The following TBCK variants were observed in gnomAD, a reference collection of about 807,000 sequenced individuals.
The protein encoded by TBCK is TBC1 domain containing kinase, also known as TBC domain-containing protein kinase-like protein.
In TBCK, 99 loss-of-function variants were observed where a neutral mutation model predicts 113.4. The ratio of observed to expected loss-of-function variants is 0.87; its 90% CI spans 0.74 to 1.03. The LOEUF is 1.03. Ranked by LOEUF, TBCK falls within the 50% of genes least tolerant of loss-of-function variation. TBCK has a pLI of 0.00. For synonymous variants in TBCK, 369 were observed against 370.8 expected (o/e 1.00, Z 0.05); for missense variants, 1,045 against 1,061.3 (o/e 0.98, Z 0.21).
intron 3 of TBCK, among the ~76,000 whole-genome samples, chr4:106,294,574 T>A (rs1766077596): frequency 1.3e-5 from 2 of 151,890 alleles, no homozygotes; most frequent in African/African-American, 2.4e-5. Flanking sequence ...CTCCGCCTCC[T>A]GGGTTCACGC....
Position 106,095,654 on chromosome 4 carries a change from G to A in TBCK, c.2412-13C>T, listed in dbSNP as rs762631358. On this transcript the variant is annotated splice_polypyrimidine_tract_variant and intron_variant, in intron 24 of 25. Coordinates refer to ENST00000394708, the MANE Select transcript of TBCK (RefSeq NM_001163435.3). ...ACCACGAATAAAGCTGAGAAGGAAA[G>A]TTTAAGGAAAACATTTATTTGTGTG... is the stretch of plus-strand genomic sequence containing the variant. 6.2e-7 allele frequency: 1 copy of A among 1,610,590 alleles called. No individual in the cohort carries two copies. Among genetic ancestry groups the A allele is most frequent in the South Asian group, 1.1e-5 (1 of 90,476 alleles).
At chr4:106,199,171 G>A (rs956259003) in intron 20 of TBCK, among the ~76,000 whole-genome samples, 8 of 152,100 alleles carry the variant, frequency 5.3e-5, no homozygotes, top group Non-Finnish European at 1.2e-4. Context: ...CACTGAAACT[G>A]TTCTTACCTT....
chr4:106,179,985 T>C (rs1246906339), intron 22 of TBCK, among the ~76,000 whole-genome samples: 1 of 152,130 alleles, frequency 6.6e-6, no homozygotes, highest in Non-Finnish European at 1.5e-5. Context: ...CATCATATAA[T>C]GGACTTCTTT....
intron 25 of TBCK, among the ~76,000 whole-genome samples, chr4:106,060,394 G>A (rs1271738296): frequency 6.6e-6 from 1 of 151,604 alleles, no homozygotes; most frequent in African/African-American, 2.4e-5. Context: ...AAAATCCTAG[G>A]GCCCTTAAGA....
intron 3 of TBCK, among the ~76,000 whole-genome samples, chr4:106,286,135 A>T (rs190160832): frequency 2.6e-5 from 4 of 152,344 alleles, no homozygotes; most frequent in African/African-American, 9.6e-5. Context: ...AGAATAATTT[A>T]AAAATAGTAC....
intron 20 of TBCK, among the ~76,000 whole-genome samples, 166 bp downstream of exon 20, chr4:106,212,584 T>C (rs952702162): frequency 6.6e-6 from 1 of 152,158 alleles, no homozygotes; most frequent in African/African-American, 2.4e-5. Context: ...AAGGTGGAAA[T>C]ATGGAAAGTA....
chr4:106,060,403 G>T (rs55633564), intron 25 of TBCK, among the ~76,000 whole-genome samples: 42,304 of 151,504 alleles, frequency 0.28, 6,173 homozygotes, highest in Middle Eastern at 0.34. Flanking sequence ...GGGCCCTTAA[G>T]AATTATGCCA....
chr4:106,235,412 G>A (rs759586706), intron 14 of TBCK, 45 bp from the exon 15 acceptor site: 2 of 1,353,570 alleles, frequency 1.5e-6, no homozygotes, highest in African/African-American at 1.5e-5. Context: ...ATTACCTAGT[G>A]CCATCTTTTA....
At chr4:106,056,840 C>G (rs1219072722) in intron 25 of TBCK, among the ~76,000 whole-genome samples, 1 of 151,642 alleles carries the variant, frequency 6.6e-6, no homozygotes, top group Non-Finnish European at 1.5e-5. Context: ...ACAATGTGTA[C>G]TATTTAAAAT....
chr4:106,143,243 G>A (rs1333515503), intron 23 of TBCK, among the ~76,000 whole-genome samples: 1 of 152,056 alleles, frequency 6.6e-6, no homozygotes, highest in Non-Finnish European at 1.5e-5. Context: ...ACTCTTATCT[G>A]GCTCTGGGTG....
Position 106,044,577 on chromosome 4 carries a change from G to A in TBCK, c.*1993C>T, listed in dbSNP as rs1349710943. 6.6e-6 allele frequency: 1 copy of A among 152,028 alleles called. No homozygotes were observed. Among genetic ancestry groups the A allele is most frequent in the Non-Finnish European group, 1.5e-5 (1 of 68,008 alleles). The allele number at this position is 152,028 out of a possible 1,614,324, so 9.4% of individuals were successfully genotyped here. On this transcript the variant is annotated 3_prime_UTR_variant, in exon 26 of 26. Coordinates refer to ENST00000394708, the MANE Select transcript of TBCK (RefSeq NM_001163435.3). ...AAACAGGAGGGGTCCTGGGACAACT[G>A]GATACTCATATGCAAGAATGAACCT...
At chr4:106,233,531 A>G in intron 16 of TBCK, 57 bp downstream of exon 16, 1 of 1,425,398 alleles carries the variant, frequency 7.0e-7, no homozygotes, top group South Asian at 1.2e-5. Flanking sequence ...GCTCCTTCCT[A>G]AAATTTAAAT....
intron 3 of TBCK, among the ~76,000 whole-genome samples, chr4:106,283,234 C>A (rs1046105078): frequency 1.3e-5 from 2 of 152,002 alleles, no homozygotes; most frequent in South Asian, 2.1e-4. Flanking sequence ...TAAATGGAAA[C>A]TTTTATACTT....
At chr4:106,252,441 C>T (rs1761539466) in intron 5 of TBCK, among the ~76,000 whole-genome samples, 1 of 152,054 alleles carries the variant, frequency 6.6e-6, no homozygotes, top group Non-Finnish European at 1.5e-5. Context: ...AGTAAAACTC[C>T]TATCTCTACA....
intron 25 of TBCK, among the ~76,000 whole-genome samples, chr4:106,064,790 T>C (rs1736436987): frequency 6.6e-6 from 1 of 152,008 alleles, no homozygotes; most frequent in South Asian, 2.1e-4. Flanking sequence ...GCTTTCAATT[T>C]CTTCTATTCT....
rs530727863 is a variant in TBCK at position 106,242,034 on chromosome 4, C to T, written c.1170+436G>A. Among the ~76,000 whole-genome samples, 38 of 151,976 alleles carry T rather than the reference C, an allele frequency of 2.5e-4. No homozygotes were observed. The South Asian group carries it at 7.7e-3, about 31-fold the overall frequency. On this transcript the variant is annotated intron_variant, in intron 12 of 25. Coordinates refer to ENST00000394708, the MANE Select transcript of TBCK (RefSeq NM_001163435.3). ...AAGTCCTCAAATCAATAAGAAATCA[C>T]TCAACAGAAAAACTGACAAGAGATA... is the stretch of plus-strand genomic sequence containing the variant.
intron 19 of TBCK, among the ~76,000 whole-genome samples, chr4:106,217,540 G>A (rs1230863108): frequency 6.6e-6 from 1 of 152,086 alleles, no homozygotes; most frequent in Non-Finnish European, 1.5e-5. Context: ...CAAAATCAAT[G>A]TGCAAAAATC....
chr4:106,120,928 C>T (rs1229394752), intron 23 of TBCK, among the ~76,000 whole-genome samples: 5 of 152,166 alleles, frequency 3.3e-5, no homozygotes, highest in Admixed American at 6.5e-5. Flanking sequence ...TCCAAAGGAA[C>T]GCAGTTCCTC....
At position 106,250,481 on chromosome 4, in the gene TBCK, A is replaced by C. The variant is rs766761224; in HGVS notation, c.598-3T>G. ...AAGCTCTGAAATAATTTTCTTCCCT[A>C]AATAAAATGAGAAAAGAAATTTCTA... is the stretch of plus-strand genomic sequence containing the variant. On this transcript the variant is annotated splice_polypyrimidine_tract_variant and splice_region_variant and intron_variant, in intron 6 of 25. Transcript: ENST00000394708. The C allele has an allele frequency of 1.9e-6, 2 of 1,040,980 alleles. No individual in the cohort carries two copies. The highest frequency in any genetic ancestry group is 4.8e-5 in the Admixed American group (2 of 41,762). The allele number at this position is 1,040,980 out of a possible 1,614,324, so 64.5% of individuals were successfully genotyped here.
Sources: allele counts gnomAD v4.1 joint callset (sites outside exome capture counted in the v4.1 genomes callset), GRCh38; gene constraint gnomAD v4.1.1; transcripts MANE v1.5; gene names NCBI Gene and HGNC (gene_info 2026-07-23, HGNC 2026-07-21).